The following ATRNL1 variants were observed in gnomAD, a reference collection of about 807,000 sequenced individuals.
ATRNL1 encodes attractin like 1.
In ATRNL1, 95 loss-of-function variants were observed where a neutral mutation model predicts 182.7. That is an observed-to-expected ratio of 0.52 (90% CI 0.44 to 0.62). The LOEUF (loss-of-function observed/expected upper bound fraction) is 0.62. Ranked by LOEUF, ATRNL1 falls within the 20% of genes least tolerant of loss-of-function variation. The pLI is 0.00. For missense variants in ATRNL1, 1,471 were observed against 1,679.5 expected (o/e 0.88, Z 2.17); for synonymous variants, 576 against 568.3 (o/e 1.01, Z -0.19).
intron 25 of ATRNL1, among the ~76,000 whole-genome samples, chr10:115,532,171 C>A (rs1592799514): frequency 3.3e-5 from 5 of 152,090 alleles, no homozygotes; most frequent in Admixed American, 3.3e-4. Context: ...TGAAGAAAGT[C>A]ATTGGTAGCT....
chr10:115,693,885 A>G (rs950189337), intron 26 of ATRNL1, among the ~76,000 whole-genome samples: 1 of 152,084 alleles, frequency 6.6e-6, no homozygotes, highest in Non-Finnish European at 1.5e-5. Flanking sequence ...TTGACCAGAA[A>G]CATAATTAAA....
At chr10:115,579,366 G>C (rs1854928244) in intron 26 of ATRNL1, among the ~76,000 whole-genome samples, 1 of 151,596 alleles carries the variant, frequency 6.6e-6, no homozygotes, top group East Asian at 1.9e-4. Flanking sequence ...TATATTCTCT[G>C]ATCTAAGATG....
At chr10:115,836,510 A>G (rs1427981167) in intron 27 of ATRNL1, among the ~76,000 whole-genome samples, 4 of 152,038 alleles carry the variant, frequency 2.6e-5, no homozygotes, top group Admixed American at 2.0e-4. Flanking sequence ...CCTGAGGGAG[A>G]GTTTTTCCGT....
At chr10:115,902,590 G>T (rs1249674654) in intron 28 of ATRNL1, among the ~76,000 whole-genome samples, 1 of 152,190 alleles carries the variant, frequency 6.6e-6, no homozygotes, top group Non-Finnish European at 1.5e-5. Flanking sequence ...AGAGTCTGGA[G>T]TGAATGTCCC....
chr10:115,122,182 T>A (rs1055183968), intron 3 of ATRNL1, among the ~76,000 whole-genome samples: 2 of 151,758 alleles, frequency 1.3e-5, no homozygotes, highest in Non-Finnish European at 2.9e-5. Flanking sequence ...TTTTTTTATT[T>A]TAGTGAAATG....
intron 20 of ATRNL1, among the ~76,000 whole-genome samples, chr10:115,398,245 A>G (rs554122611): frequency 7.9e-5 from 12 of 152,142 alleles, no homozygotes; most frequent in African/African-American, 2.9e-4. Flanking sequence ...TCAGTAGTAC[A>G]GTCAAAATAT....
At chr10:115,635,757 A>T (rs192172853) in intron 26 of ATRNL1, among the ~76,000 whole-genome samples, 15 of 152,278 alleles carry the variant, frequency 9.9e-5, no homozygotes, top group African/African-American at 3.6e-4. Context: ...TATCATTTTT[A>T]AAAACAAAAG....
intron 6 of ATRNL1, among the ~76,000 whole-genome samples, chr10:115,161,564 G>T (rs1183534607): frequency 6.6e-6 from 1 of 151,996 alleles, no homozygotes; most frequent in Non-Finnish European, 1.5e-5. Context: ...CAACAAGGAA[G>T]TTTGTAAATT....
chr10:115,602,012 C>CT (rs1856624136), intron 26 of ATRNL1, among the ~76,000 whole-genome samples: 1 of 144,156 alleles, frequency 6.9e-6, no homozygotes, highest in Non-Finnish European at 1.5e-5. Flanking sequence ...ATCTACTTTT[C>CT]TTTTTGACAA....
intron 25 of ATRNL1, among the ~76,000 whole-genome samples, chr10:115,534,872 G>C (rs184063296): frequency 0.016 from 2,440 of 151,198 alleles, no homozygotes; most frequent in East Asian, 0.1. Context: ...ATGAAGCTTA[G>C]TTTGGCTGGA....
chr10:115,113,613 C>T (rs1228598830), intron 1 of ATRNL1, among the ~76,000 whole-genome samples: 1 of 152,126 alleles, frequency 6.6e-6, no homozygotes, highest in Non-Finnish European at 1.5e-5. Flanking sequence ...CACAAGCTCT[C>T]TCTGCCTGCT....
intron 8 of ATRNL1, among the ~76,000 whole-genome samples, chr10:115,204,743 A>G (rs1848732284): frequency 6.6e-6 from 1 of 152,016 alleles, no homozygotes; most frequent in South Asian, 2.1e-4. Flanking sequence ...TGGCTTTTAT[A>G]TAGTGTCATT....
chr10:115,421,150 A>G (rs1023768295), intron 20 of ATRNL1, among the ~76,000 whole-genome samples: 3 of 152,178 alleles, frequency 2.0e-5, no homozygotes, highest in Non-Finnish European at 4.4e-5. Flanking sequence ...CTATCAAACT[A>G]TTCCAAAAAA....
At chr10:115,522,560 A>ATAATAGAAT (rs1850999516) in intron 25 of ATRNL1, among the ~76,000 whole-genome samples, 1 of 152,130 alleles carries the variant, frequency 6.6e-6, no homozygotes, top group Admixed American at 6.5e-5. Flanking sequence ...CAAATATTAA[A>ATAATAGAAT]ACTATAGCAT....
At chr10:115,748,842 C>T (rs376948717) in intron 27 of ATRNL1, among the ~76,000 whole-genome samples, 4 of 151,952 alleles carry the variant, frequency 2.6e-5, no homozygotes, top group East Asian at 1.9e-4. Flanking sequence ...ATTTTGTTTT[C>T]TCCCTTAGGA....
intron 26 of ATRNL1, among the ~76,000 whole-genome samples, chr10:115,624,272 C>T (rs1857954890): frequency 6.6e-6 from 1 of 151,730 alleles, no homozygotes. Context: ...ATAATTATGC[C>T]TCCTAAAATA....
At chr10:115,640,499 G>C (rs1212886145) in intron 26 of ATRNL1, among the ~76,000 whole-genome samples, 1 of 152,154 alleles carries the variant, frequency 6.6e-6, no homozygotes, top group African/African-American at 2.4e-5. Context: ...CCTCATTGTA[G>C]TTTTGATTTG....
chr10:115,268,565 T>C, intron 13 of ATRNL1, 121 bp downstream of exon 13: 1 of 648,756 alleles, frequency 1.5e-6, no homozygotes, highest in African/African-American at 1.8e-5. Context: ...ATTTAGAAAG[T>C]ATATAGGGAA....
At chr10:115,560,159 A>G (rs1362866957) in intron 26 of ATRNL1, among the ~76,000 whole-genome samples, 1 of 152,232 alleles carries the variant, frequency 6.6e-6, no homozygotes, top group African/African-American at 2.4e-5. Context: ...TAAAATACAC[A>G]GGAACAAACT....
Sources: gnomAD v4.1 joint callset for allele counts (sites outside exome capture counted in the v4.1 genomes callset) on GRCh38, gnomAD v4.1.1 for gene constraint, MANE v1.5 for transcripts, NCBI Gene and HGNC (gene_info 2026-07-23, HGNC 2026-07-21) for gene names.